The following DNAH11 variants were observed in gnomAD, a reference collection of about 807,000 sequenced individuals.
DNAH11 encodes dynein axonemal heavy chain 11.
In DNAH11, 442 loss-of-function variants were observed where a neutral mutation model predicts 526.0. The ratio of observed to expected loss-of-function variants is 0.84; its 90% CI spans 0.78 to 0.91. The LOEUF is 0.91. DNAH11 is among the 40% of genes least tolerant of loss of function. The pLI is 0.00. For synonymous variants in DNAH11, 2,461 were observed against 1,935.9 expected (o/e 1.27, Z -7.12); for missense variants, 6,989 against 5,448.7 (o/e 1.28, Z -8.90).
At chr7:21,841,282 ATACT>A (rs1396403274) in intron 65 of DNAH11, among the ~76,000 whole-genome samples, 21 of 152,362 alleles carry the variant, frequency 1.4e-4, no homozygotes, top group South Asian at 2.1e-4. Context: ...TATTAAATAC[ATACT>A]TAAGATGCAT....
At chr7:21,814,892 T>C (rs1034535373) in intron 63 of DNAH11, among the ~76,000 whole-genome samples, 4 of 152,166 alleles carry the variant, frequency 2.6e-5, no homozygotes, top group African/African-American at 9.7e-5. Flanking sequence ...AAAAAAATTC[T>C]GTATGTAGCT....
chr7:21,835,793 T>C (rs753761891), intron 65 of DNAH11, among the ~76,000 whole-genome samples: 4 of 151,550 alleles, frequency 2.6e-5, no homozygotes, highest in East Asian at 3.9e-4. Context: ...GGCATCCAAA[T>C]TGGAAAGAAG....
chr7:21,731,953 C>T (rs2128487832), intron 45 of DNAH11, among the ~76,000 whole-genome samples: 1 of 152,160 alleles, frequency 6.6e-6, no homozygotes, highest in South Asian at 2.1e-4. Flanking sequence ...TCTTAGTGTA[C>T]CTAATTTATA....
chr7:21,573,128 A>C (rs1783958132), intron 8 of DNAH11, among the ~76,000 whole-genome samples: 1 of 152,180 alleles, frequency 6.6e-6, no homozygotes, highest in East Asian at 1.9e-4. Context: ...CCAGAATTAG[A>C]GAATGTGGCC....
At chr7:21,748,868 G>A (rs1163092767) in intron 52 of DNAH11, 126 bp downstream of exon 52, 22 of 948,878 alleles carry the variant, frequency 2.3e-5, no homozygotes, top group East Asian at 2.7e-5. Flanking sequence ...ACGGGAGAGC[G>A]GGAGCTCTTT....
chr7:21,669,780 T>G (rs910302600), intron 30 of DNAH11, among the ~76,000 whole-genome samples: 3 of 152,164 alleles, frequency 2.0e-5, no homozygotes, highest in African/African-American at 7.2e-5. Flanking sequence ...AGGTCTGCAA[T>G]CCATACCTCT....
At chr7:21,799,427 T>C (rs920923784) in intron 61 of DNAH11, among the ~76,000 whole-genome samples, 1 of 152,172 alleles carries the variant, frequency 6.6e-6, no homozygotes, top group Non-Finnish European at 1.5e-5. Flanking sequence ...AACTTCTGCC[T>C]TCCAGGTTCA....
intron 44 of DNAH11, among the ~76,000 whole-genome samples, chr7:21,721,435 G>T (rs748854918): frequency 7.9e-5 from 12 of 152,076 alleles, no homozygotes; most frequent in Non-Finnish European, 1.5e-4. Flanking sequence ...TAGTAGCTCA[G>T]ATCGCCATAA....
At chr7:21,828,073 C>G (rs1043642638) in intron 65 of DNAH11, among the ~76,000 whole-genome samples, 20 of 152,092 alleles carry the variant, frequency 1.3e-4, no homozygotes, top group African/African-American at 4.3e-4. Flanking sequence ...CTCAGCCTCC[C>G]AAGTAGCTGA....
chr7:21,834,511 A>G (rs1372430570), intron 65 of DNAH11, among the ~76,000 whole-genome samples: 1 of 152,182 alleles, frequency 6.6e-6, no homozygotes, highest in Non-Finnish European at 1.5e-5. Context: ...AAAATAGAGA[A>G]TAAAAGAAAT....
chr7:21,596,443 G>C (rs535469174), intron 14 of DNAH11, among the ~76,000 whole-genome samples: 1 of 152,270 alleles, frequency 6.6e-6, no homozygotes, highest in Non-Finnish European at 1.5e-5. Context: ...AAGTCATGCC[G>C]TGGACTATTT....
chr7:21,828,200 C>A (rs540405702), intron 65 of DNAH11, among the ~76,000 whole-genome samples: 212 of 152,266 alleles, frequency 1.4e-3, no homozygotes, highest in African/African-American at 4.8e-3. Context: ...CCACCCTCCT[C>A]GGTCTCCCAA....
intron 55 of DNAH11, among the ~76,000 whole-genome samples, chr7:21,771,469 C>T (rs1787431660): frequency 6.6e-6 from 1 of 152,154 alleles, no homozygotes; most frequent in South Asian, 2.1e-4. Flanking sequence ...TAGCAGAGAT[C>T]TGTTTATGTT....
At chr7:21,728,843 C>T (rs1264450869) in intron 45 of DNAH11, among the ~76,000 whole-genome samples, 5 of 152,222 alleles carry the variant, frequency 3.3e-5, no homozygotes, top group African/African-American at 1.2e-4. Context: ...CAAAACTTAG[C>T]AGAGCAAATT....
At chr7:21,604,790 G>C (rs957049663) in intron 18 of DNAH11, among the ~76,000 whole-genome samples, 1 of 152,188 alleles carries the variant, frequency 6.6e-6, no homozygotes, top group African/African-American at 2.4e-5. Context: ...CTTCCTCCTG[G>C]CTTCCCAGCC....
chr7:21,610,738 G>A (rs1022329864), intron 20 of DNAH11, among the ~76,000 whole-genome samples: 3 of 152,112 alleles, frequency 2.0e-5, no homozygotes, highest in Non-Finnish European at 4.4e-5. Flanking sequence ...CAGCAGATGG[G>A]TTAAAGAGCT....
In DNAH11 at chr7:21,704,642, T is replaced by C. The variant is rs114409690; in HGVS notation, c.6468+14T>C. The stretch of plus-strand genomic sequence containing the variant: ...TTCATCCTCAAAGTAAAAGGAGCAT[T>C]TGCTTTTCATGGCAGCTGTTGGGAT... On this transcript the variant is annotated intron_variant, in intron 38 of 81. Coordinates refer to ENST00000409508, the MANE Select transcript of DNAH11 (RefSeq NM_001277115.2). 1,425 of 1,582,784 alleles carry C rather than the reference T, an allele frequency of 9.0e-4. 12 individuals are homozygous for C. The African/African-American group carries it at 0.016, about 18-fold the overall frequency.
intron 61 of DNAH11, among the ~76,000 whole-genome samples, chr7:21,790,767 G>A (rs936702790): frequency 6.6e-6 from 1 of 152,168 alleles, no homozygotes; most frequent in East Asian, 1.9e-4. Context: ...GCAAGTCAGA[G>A]CCCTGCAATG....
At chr7:21,693,773 A>G (rs1295144256) in intron 35 of DNAH11, among the ~76,000 whole-genome samples, 1 of 152,144 alleles carries the variant, frequency 6.6e-6, no homozygotes, top group Non-Finnish European at 1.5e-5. Context: ...GTCCATTCTC[A>G]CACTGCTATA....
Sources: gnomAD v4.1 joint callset for allele counts (sites outside exome capture counted in the v4.1 genomes callset) on GRCh38, gnomAD v4.1.1 for gene constraint, MANE v1.5 for transcripts, NCBI Gene and HGNC (gene_info 2026-07-23, HGNC 2026-07-21) for gene names.